Variants in PALM2AKAP2 observed in about 807,000 individuals in gnomAD.
PALM2AKAP2 encodes PALM2-AKAP2 fusion protein.
PALM2AKAP2 carries 37 observed loss-of-function variants against 71.5 expected under a neutral mutation model. The ratio of observed to expected loss-of-function variants is 0.52; its 90% CI spans 0.40 to 0.68. PALM2AKAP2 has a LOEUF of 0.68. PALM2AKAP2 is among the 30% of genes least tolerant of loss of function. The pLI, the probability that PALM2AKAP2 is intolerant of heterozygous loss-of-function variation, is 0.00. For synonymous variants in PALM2AKAP2, 468 were observed against 478.8 expected (o/e 0.98, Z 0.29); for missense variants, 1,224 against 1,191.8 (o/e 1.03, Z -0.40).
chr9:109,994,063 G>A (rs575565977), intron 6 of PALM2AKAP2, among the ~76,000 whole-genome samples: 1 of 152,318 alleles, frequency 6.6e-6, no homozygotes, highest in East Asian at 1.9e-4. Context: ...TAAGGGTAAG[G>A]ACGGGAAAGA....
At chr9:110,058,686 A>G (rs1833896904) in intron 1 of PALM2AKAP2, among the ~76,000 whole-genome samples, 1 of 152,078 alleles carries the variant, frequency 6.6e-6, no homozygotes, top group South Asian at 2.1e-4. Flanking sequence ...CACTGTAGCC[A>G]CTTCCACTGG....
At chr9:110,167,514 G>C (rs569898585) in intron 3 of PALM2AKAP2, among the ~76,000 whole-genome samples, 23 of 152,304 alleles carry the variant, frequency 1.5e-4, no homozygotes, top group African/African-American at 4.8e-4. Flanking sequence ...ATAGGCTGAA[G>C]TCTCCTCTCG....
chr9:110,034,604 C>CTTTTTTT (rs57708385), intron 7 of PALM2AKAP2, among the ~76,000 whole-genome samples: 13 of 118,324 alleles, frequency 1.1e-4, no homozygotes, highest in African/African-American at 4.2e-4. Flanking sequence ...ATATATTCCC[C>CTTTTTTT]TTTTTTTTTT....
At chr9:109,838,822 T>C (rs1012705831) in intron 1 of PALM2AKAP2, among the ~76,000 whole-genome samples, 1 of 151,558 alleles carries the variant, frequency 6.6e-6, no homozygotes, top group Non-Finnish European at 1.5e-5. Flanking sequence ...GCAAGACACA[T>C]ACACCCTTCC....
chr9:110,045,955 A>G (rs911926965), upstream of PALM2AKAP2, among the ~76,000 whole-genome samples: 2 of 152,184 alleles, frequency 1.3e-5, no homozygotes, highest in African/African-American at 4.8e-5. Context: ...CCTCAGCATT[A>G]CTGACATTTA....
intron 1 of PALM2AKAP2, among the ~76,000 whole-genome samples, chr9:110,102,489 GA>G (rs922940675): frequency 1.3e-5 from 2 of 152,032 alleles, no homozygotes; most frequent in Non-Finnish European, 2.9e-5. Flanking sequence ...ATTAAGCCAA[GA>G]AAAAAAGATG....
At chr9:110,100,966 A>G (rs1834983705) in intron 1 of PALM2AKAP2, among the ~76,000 whole-genome samples, 1 of 152,188 alleles carries the variant, frequency 6.6e-6, no homozygotes, top group Admixed American at 6.5e-5. Flanking sequence ...TCCCAGAGCC[A>G]AGATGGGATG....
intron 3 of PALM2AKAP2, among the ~76,000 whole-genome samples, chr9:109,889,497 T>C (rs1292672742): frequency 1.3e-5 from 2 of 152,214 alleles, no homozygotes; most frequent in Non-Finnish European, 2.9e-5. Context: ...GAAAGTTTTG[T>C]TCCCTGCAGC....
chr9:109,700,730 T>C (rs968169677), intron 1 of PALM2AKAP2, among the ~76,000 whole-genome samples: 1 of 152,148 alleles, frequency 6.6e-6, no homozygotes, highest in African/African-American at 2.4e-5. Flanking sequence ...TATTTGAAAA[T>C]TTTTGCTGGG....
intron 1 of PALM2AKAP2, among the ~76,000 whole-genome samples, chr9:109,814,228 G>A (rs189637411): frequency 5.3e-4 from 81 of 152,256 alleles, no homozygotes; most frequent in African/African-American, 1.7e-3. Context: ...ATCATCTAAC[G>A]TCTGCATGGT....
At chr9:110,043,352 C>G (rs1234888664) in intron 7 of PALM2AKAP2, among the ~76,000 whole-genome samples, 2 of 152,134 alleles carry the variant, frequency 1.3e-5, no homozygotes, top group Non-Finnish European at 2.9e-5. Flanking sequence ...TTACTGACTC[C>G]TCCCCACCAC....
intron 1 of PALM2AKAP2, among the ~76,000 whole-genome samples, chr9:109,851,180 AACAACAAC>A (rs1564179599): frequency 5.8e-5 from 3 of 51,386 alleles, no homozygotes; most frequent in African/African-American, 1.7e-4. Flanking sequence ...CCGTCTCAAC[AACAACAAC>A]AACAACAACA....
intron 1 of PALM2AKAP2, among the ~76,000 whole-genome samples, chr9:109,750,723 A>G (rs139611554): frequency 6.6e-6 from 1 of 152,222 alleles, no homozygotes; most frequent in Non-Finnish European, 1.5e-5. Flanking sequence ...TCTAAAGGTC[A>G]TGATAGCTAC....
chr9:109,899,919 G>C (rs1830291881), intron 3 of PALM2AKAP2, among the ~76,000 whole-genome samples: 1 of 152,224 alleles, frequency 6.6e-6, no homozygotes, highest in Non-Finnish European at 1.5e-5. Flanking sequence ...TAGTACATTG[G>C]AAGCTGATTT....
In PALM2AKAP2 at chr9:109,652,799, A is replaced by C. The variant is rs1479626715; in HGVS notation, c.5+11933A>C. ...GGGGTCACAATCTAATGAGAAACATAGTTGGTCAGGTAATTATAATAAAAC... is the reference window on the plus strand; with the variant it reads ...GGGGTCACAATCTAATGAGAAACATCGTTGGTCAGGTAATTATAATAAAAC... On this transcript the variant is annotated intron_variant, in intron 1 of 6. Transcript: ENST00000374531. Among the ~76,000 whole-genome samples, 5 of 152,188 alleles carry C rather than the reference A, an allele frequency of 3.3e-5. No individual in the cohort carries two copies. The East Asian group carries it at 9.6e-4, about 29-fold the overall frequency.
chr9:110,022,566 TTTTA>T (rs1833092591), intron 7 of PALM2AKAP2, among the ~76,000 whole-genome samples: 1 of 149,014 alleles, frequency 6.7e-6, no homozygotes, highest in Non-Finnish European at 1.5e-5. Context: ...TTTTCTTTAT[TTTTA>T]TTTTATTTTA....
chr9:109,780,195 G>C (rs143869821), upstream of PALM2AKAP2: 5,089 of 818,594 alleles, frequency 6.2e-3, 242 homozygotes, highest in African/African-American at 0.087. Flanking sequence ...GGCGGCTGCC[G>C]GCGTCCCACG....
At chr9:109,909,056 C>T (rs1385131687) in intron 3 of PALM2AKAP2, among the ~76,000 whole-genome samples, 1 of 151,952 alleles carries the variant, frequency 6.6e-6, no homozygotes. Context: ...TCATTCTGGC[C>T]CAATTCCTAC....
chr9:109,914,395 C>A (rs1830639329), intron 3 of PALM2AKAP2, among the ~76,000 whole-genome samples: 1 of 152,382 alleles, frequency 6.6e-6, no homozygotes, highest in Middle Eastern at 3.4e-3. Context: ...GTGGCCTTTA[C>A]TCTGTGTGGC....
Sources: allele counts gnomAD v4.1 joint callset (sites outside exome capture counted in the v4.1 genomes callset), GRCh38; gene constraint gnomAD v4.1.1; transcripts MANE v1.5; gene names NCBI Gene and HGNC (gene_info 2026-07-23, HGNC 2026-07-21).